ASTN2: variants seen among roughly 807,000 people sequenced by gnomAD.
ASTN2 encodes astrotactin-2.
ASTN2 carries 54 observed loss-of-function variants against 139.8 expected under a neutral mutation model. The ratio of observed to expected loss-of-function variants is 0.39; its 90% CI spans 0.31 to 0.48. The LOEUF (loss-of-function observed/expected upper bound fraction) is 0.48, where lower values mean the gene tolerates loss of function less well. Ranked by LOEUF, ASTN2 falls within the 20% of genes least tolerant of loss-of-function variation. The pLI, the probability that ASTN2 is intolerant of heterozygous loss-of-function variation, is 0.95. For missense variants in ASTN2, 1,565 were observed against 1,725.1 expected (o/e 0.91, Z 1.64); for synonymous variants, 756 against 719.5 (o/e 1.05, Z -0.81).
At chr9:116,557,441 G>T (rs1305282231) in intron 19 of ASTN2, among the ~76,000 whole-genome samples, 2 of 151,920 alleles carry the variant, frequency 1.3e-5, no homozygotes, top group Non-Finnish European at 2.9e-5. Flanking sequence ...TCTAATTTTT[G>T]CAGTATTCTT....
intron 2 of ASTN2, among the ~76,000 whole-genome samples, chr9:117,229,958 G>A (rs1048677625): frequency 6.6e-6 from 1 of 152,030 alleles, no homozygotes; most frequent in African/African-American, 2.4e-5. Flanking sequence ...CAATTCATGA[G>A]AATTTCACGA....
Position 116,772,835 on chromosome 9 carries a change from G to A in ASTN2, c.2396+32797C>T, listed in dbSNP as rs118151570. Among the ~76,000 whole-genome samples, 25 of 152,236 alleles carry A rather than the reference G, an allele frequency of 1.6e-4. No individual in the cohort carries two copies. The East Asian group carries it at 4.1e-3, about 25-fold the overall frequency. ...AGTCAAAGGAAATATATGAACCTCC[G>A]GGTCAGAGCTCAGGGGGCTTAGCTT... is the stretch of plus-strand genomic sequence containing the variant. On this transcript the variant is annotated intron_variant, in intron 13 of 22. Coordinates refer to ENST00000313400, the MANE Select transcript of ASTN2 (RefSeq NM_001365068.1).
In ASTN2 at chr9:117,359,797, C is replaced by T. The variant is rs536898199; in HGVS notation, c.442+54700G>A. Among the ~76,000 whole-genome samples, 93 of 152,220 alleles carry T rather than the reference C, an allele frequency of 6.1e-4. 1 individual carries two copies. The highest frequency in any genetic ancestry group is 1.2e-3 in the South Asian group (6 of 4,818). On this transcript the variant is annotated intron_variant, in intron 1 of 22. Coordinates refer to ENST00000313400, the MANE Select transcript of ASTN2 (RefSeq NM_001365068.1). ...CAGATTCAACTGTGACATGGCCACTCAGCTGTGGTGTGAGCCTGCATCAGT... is the reference window on the plus strand; with the variant it reads ...CAGATTCAACTGTGACATGGCCACTTAGCTGTGGTGTGAGCCTGCATCAGT...
At chr9:116,449,655 G>C (rs922797059) in intron 20 of ASTN2, among the ~76,000 whole-genome samples, 10 of 152,166 alleles carry the variant, frequency 6.6e-5, no homozygotes, top group Non-Finnish European at 1.3e-4. Context: ...TTGACCAGTA[G>C]AGCAAAATGG....
intron 20 of ASTN2, among the ~76,000 whole-genome samples, chr9:116,473,201 A>G (rs913778753): frequency 6.6e-6 from 1 of 152,180 alleles, no homozygotes; most frequent in Admixed American, 6.5e-5. Flanking sequence ...TGCATACATG[A>G]CAGACTGTCT....
chr9:116,675,647 T>G (rs1210571737), intron 16 of ASTN2, among the ~76,000 whole-genome samples: 1 of 152,184 alleles, frequency 6.6e-6, no homozygotes, highest in African/African-American at 2.4e-5. Context: ...CTGTCTGTCA[T>G]GTCTTTCTGT....
intron 19 of ASTN2, among the ~76,000 whole-genome samples, chr9:116,506,692 G>A (rs1850125296): frequency 6.6e-6 from 1 of 152,166 alleles, no homozygotes; most frequent in African/African-American, 2.4e-5. Flanking sequence ...CCCCCAAAAA[G>A]TCAGGCAGGA....
chr9:116,964,256 T>TGTGCGC lies in ASTN2; in HGVS notation c.1889+10951_1889+10952insGCGCAC, dbSNP rs1491183340. ...GTGTGTGTGTGTGTGTGTGTGTGTG[T>TGTGCGC]GCGCGCGCGCGCGTGTGTGTTGACT... is the stretch of plus-strand genomic sequence containing the variant. On this transcript the variant is annotated intron_variant, in intron 10 of 22. Coordinates refer to ENST00000313400, the MANE Select transcript of ASTN2 (RefSeq NM_001365068.1). 1.9e-3 allele frequency among the ~76,000 whole-genome samples: 189 copies of TGTGCGC among 98,894 alleles called. 1 individual carries two copies. Among genetic ancestry groups the TGTGCGC allele is most frequent in the African/African-American group, 5.7e-3 (175 of 30,924 alleles). The allele number at this position is 98,894 out of a possible 152,430, so 64.9% of individuals were successfully genotyped here.
chr9:117,282,497 T>C (rs933006058), intron 2 of ASTN2, among the ~76,000 whole-genome samples: 1 of 152,196 alleles, frequency 6.6e-6, no homozygotes, highest in African/African-American at 2.4e-5. Context: ...CCAGCTTCAT[T>C]TTCCCCATCT....
At chr9:116,705,026 G>A (rs1827956250) in intron 16 of ASTN2, among the ~76,000 whole-genome samples, 1 of 152,036 alleles carries the variant, frequency 6.6e-6, no homozygotes, top group Admixed American at 6.6e-5. Context: ...TTTTCTCTAG[G>A]TCAAAATTTA....
At chr9:116,469,509 G>A (rs1225242641) in intron 20 of ASTN2, among the ~76,000 whole-genome samples, 1 of 152,160 alleles carries the variant, frequency 6.6e-6, no homozygotes, top group Non-Finnish European at 1.5e-5. Context: ...GTCAGAGCCT[G>A]AGCTCTGAGG....
At chr9:116,953,451 T>C (rs1326253522) in intron 10 of ASTN2, among the ~76,000 whole-genome samples, 2 of 152,142 alleles carry the variant, frequency 1.3e-5, no homozygotes, top group Admixed American at 1.3e-4. Flanking sequence ...CAGCATCTGC[T>C]CAGAGGAAGG....
chr9:116,632,205 A>AGAGAAAGAAAG (rs1554723308), intron 17 of ASTN2, among the ~76,000 whole-genome samples: 1 of 45,302 alleles, frequency 2.2e-5, no homozygotes, highest in African/African-American at 1.1e-4. Flanking sequence ...AGAAAGAAAG[A>AGAGAAAGAAAG]AAAGAAAGAA....
intron 11 of ASTN2, among the ~76,000 whole-genome samples, chr9:116,847,841 G>T (rs1832485867): frequency 6.6e-6 from 1 of 152,182 alleles, no homozygotes; most frequent in Admixed American, 6.5e-5. Flanking sequence ...TAGCCTCATG[G>T]AGAGAGGTGC....
At chr9:116,948,318 G>A (rs558509056) in intron 10 of ASTN2, among the ~76,000 whole-genome samples, 4 of 152,112 alleles carry the variant, frequency 2.6e-5, no homozygotes, top group East Asian at 1.9e-4. Context: ...GTGCATATCA[G>A]TATCAAATGG....
intron 22 of ASTN2, among the ~76,000 whole-genome samples, chr9:116,428,448 C>T (rs886202534): frequency 5.3e-5 from 8 of 151,936 alleles, no homozygotes; most frequent in African/African-American, 1.4e-4. Flanking sequence ...CATTTGAAAC[C>T]GTAAGGCGGA....
intron 10 of ASTN2, among the ~76,000 whole-genome samples, chr9:116,963,848 T>C (rs1373986435): frequency 6.6e-6 from 1 of 152,136 alleles, no homozygotes; most frequent in Admixed American, 6.5e-5. Context: ...TTGGGTGCAG[T>C]TGGGACATTT....
chr9:116,801,426 C>T (rs1830843510), intron 13 of ASTN2, among the ~76,000 whole-genome samples: 1 of 151,008 alleles, frequency 6.6e-6, no homozygotes, highest in Admixed American at 6.6e-5. Context: ...ACTAAAAATA[C>T]AAAAAATTAG....
At chr9:117,053,005 A>T (rs1334015258) in intron 5 of ASTN2, among the ~76,000 whole-genome samples, 1 of 152,240 alleles carries the variant, frequency 6.6e-6, no homozygotes, top group Non-Finnish European at 1.5e-5. Context: ...GCTCAGTCAG[A>T]GAGGCCTCTT....
Sources: allele counts gnomAD v4.1 joint callset (sites outside exome capture counted in the v4.1 genomes callset), GRCh38; gene constraint gnomAD v4.1.1; transcripts MANE v1.5; gene names NCBI Gene and HGNC (gene_info 2026-07-23, HGNC 2026-07-21).